The following ABCA13 variants were observed in gnomAD, a reference collection of about 807,000 sequenced individuals.
The protein encoded by ABCA13 is ATP-binding cassette sub-family A member 13.
A neutral mutation model predicts 478.7 loss-of-function variants in ABCA13; 476 were observed. The ratio of observed to expected loss-of-function variants is 0.99; its 90% CI spans 0.92 to 1.07. ABCA13 has a LOEUF of 1.07. Among genes scored for constraint, ABCA13 ranks in the 50% least tolerant of loss-of-function variants. The pLI is 0.00. For synonymous variants in ABCA13, 2,252 were observed against 2,158.9 expected (o/e 1.04, Z -1.20); for missense variants, 6,060 against 5,910.6 (o/e 1.03, Z -0.83).
chr7:48,278,527 C>T lies in ABCA13; in HGVS notation c.7333C>T (p.Leu2445Phe), dbSNP rs1411860854. The T allele has an allele frequency of 1.9e-6, 3 of 1,613,918 alleles. No individual in the cohort carries two copies. The highest frequency in any genetic ancestry group is 4.5e-5 in the East Asian group (2 of 44,862). ...NKDFYALYPT[L>F]QEVILANLTD... is the part of the protein sequence containing the mutation. ...GGACTTCTATGCTTTGTATCCTACC[C>T]TCCAAGAAGTTATACTTGCTAATCT... Residue 2445 changes from leucine to phenylalanine, a missense_variant, in exon 18 of 62, where the codon CTC becomes TTC. Coordinates refer to ENST00000435803, the MANE Select transcript of ABCA13 (RefSeq NM_152701.5).
chr7:48,468,016 TAC>T (rs1182714693), intron 44 of ABCA13, among the ~76,000 whole-genome samples: 2 of 152,138 alleles, frequency 1.3e-5, no homozygotes, highest in Admixed American at 6.5e-5. Context: ...TCTGATGGAA[TAC>T]ACAGGGTGTA....
At chr7:48,220,617 G>C (rs111390610) in intron 4 of ABCA13, among the ~76,000 whole-genome samples, 1 of 152,092 alleles carries the variant, frequency 6.6e-6, no homozygotes, top group East Asian at 1.9e-4. Context: ...GGCAGGGCTG[G>C]CCATGGCCTG....
In ABCA13 at chr7:48,645,609, C is replaced by T; in HGVS notation, c.*97C>T. The stretch of plus-strand genomic sequence containing the variant: ...CACGCGCACAATCAAGGAGCTGGAA[C>T]ACACTCTCCAGGCCGTCAAATTATT... On this transcript the variant is annotated 3_prime_UTR_variant, in exon 62 of 62. Coordinates refer to ENST00000435803, the MANE Select transcript of ABCA13 (RefSeq NM_152701.5). 1 of 966,458 alleles carries T rather than the reference C, an allele frequency of 1.0e-6. No homozygotes were observed. Among genetic ancestry groups the T allele is most frequent in the Non-Finnish European group, 1.6e-6 (1 of 638,902 alleles). The allele number at this position is 966,458 out of a possible 1,614,324, so 59.9% of individuals were successfully genotyped here. A position where few individuals can be genotyped will look rare whatever the true frequency, so the allele number is the denominator to read the frequency against.
intron 33 of ABCA13, 42 bp downstream of exon 33, chr7:48,372,539 A>C: frequency 7.1e-7 from 1 of 1,418,094 alleles, no homozygotes; most frequent in Non-Finnish European, 9.5e-7. Flanking sequence ...AAAAACAACA[A>C]AATTGCAATC....
intron 27 of ABCA13, among the ~76,000 whole-genome samples, chr7:48,326,247 C>T (rs530886971): frequency 2.0e-5 from 3 of 152,166 alleles, no homozygotes; most frequent in Non-Finnish European, 4.4e-5. Flanking sequence ...CTCCAGAGCC[C>T]TCTTCTGGCA....
intron 27 of ABCA13, among the ~76,000 whole-genome samples, chr7:48,321,848 C>T (rs1268009978): frequency 1.3e-5 from 2 of 152,168 alleles, no homozygotes; most frequent in African/African-American, 4.8e-5. Context: ...GCAGGCCAGG[C>T]CCTGGCAGCA....
intron 55 of ABCA13, among the ~76,000 whole-genome samples, chr7:48,562,424 T>C (rs892643472): frequency 1.3e-5 from 2 of 152,056 alleles, no homozygotes; most frequent in African/African-American, 4.8e-5. Context: ...TGAATCACCA[T>C]GGGCAAAAAC....
chr7:48,403,691 A>G lies in ABCA13; in HGVS notation c.11882A>G (p.Gln3961Arg). 1 of 1,613,880 alleles carries G rather than the reference A, an allele frequency of 6.2e-7. No homozygotes were observed. Among genetic ancestry groups the G allele is most frequent in the Non-Finnish European group, 8.5e-7 (1 of 1,179,806 alleles). Reference protein sequence around the residue: ...ELHQQVNQTLQDVDLTQHQHK... With the variant: ...ELHQQVNQTLRDVDLTQHQHK... ...TTTTCTTCTAATTTCAGAACTCTTC[A>G]GGATGTGGACTTAACTCAGCATCAG... The change falls in exon 39 of 62, where the codon CAG (glutamine) becomes CGG (arginine). Residue 3961 changes from glutamine to arginine, a missense_variant. Physicochemically the swap from Gln to Arg is conservative, Grantham distance 43. Around this residue, in one of 3 missense-constraint regions of ABCA13, gnomAD observed 1,627 missense variants for 1,571.0 expected, o/e 1.04. Coordinates refer to ENST00000435803, the MANE Select transcript of ABCA13 (RefSeq NM_152701.5).
chr7:48,358,613 G>A (rs1356491257), intron 31 of ABCA13, among the ~76,000 whole-genome samples: 2 of 151,956 alleles, frequency 1.3e-5, no homozygotes, highest in Non-Finnish European at 2.9e-5. Flanking sequence ...CATATTCACT[G>A]TATGACACAC....
At chr7:48,336,407 TAG>T (rs999777166) in intron 28 of ABCA13, among the ~76,000 whole-genome samples, 24 of 152,264 alleles carry the variant, frequency 1.6e-4, no homozygotes, top group African/African-American at 5.3e-4. Flanking sequence ...AAGAGGAAGC[TAG>T]ACAGGTTGGA....
intron 51 of ABCA13, among the ~76,000 whole-genome samples, chr7:48,513,809 AT>A (rs1261246701): frequency 6.6e-6 from 1 of 152,200 alleles, no homozygotes; most frequent in African/African-American, 2.4e-5. Context: ...TAATACGTTA[AT>A]TTGAGCCAAG....
At chr7:48,378,095 C>T (rs1813784446) in intron 35 of ABCA13, among the ~76,000 whole-genome samples, 1 of 152,116 alleles carries the variant, frequency 6.6e-6, no homozygotes, top group African/African-American at 2.4e-5. Context: ...CTGTGGAATT[C>T]TAAATTGAAA....
chr7:48,378,879 A>C (rs1275584141), intron 35 of ABCA13, among the ~76,000 whole-genome samples: 1 of 152,248 alleles, frequency 6.6e-6, no homozygotes, highest in Admixed American at 6.5e-5. Flanking sequence ...GATACACTGG[A>C]TCCTACACCC....
intron 8 of ABCA13, among the ~76,000 whole-genome samples, chr7:48,238,853 T>A (rs1007860432): frequency 6.6e-6 from 1 of 152,262 alleles, no homozygotes; most frequent in African/African-American, 2.4e-5. Context: ...AATTTGAATC[T>A]TTCCAATTTT....
chr7:48,466,268 G>A (rs1238429939), intron 43 of ABCA13, among the ~76,000 whole-genome samples: 1 of 152,180 alleles, frequency 6.6e-6, no homozygotes, highest in Non-Finnish European at 1.5e-5. Flanking sequence ...ACTCCCCACA[G>A]TGACATGAAT....
chr7:48,531,390 A>G (rs961350087), intron 55 of ABCA13, among the ~76,000 whole-genome samples: 12 of 152,096 alleles, frequency 7.9e-5, no homozygotes, highest in Admixed American at 5.2e-4. Context: ...TTTGGTGACT[A>G]TGGCCTTATA....
intron 31 of ABCA13, among the ~76,000 whole-genome samples, chr7:48,365,380 G>A (rs1811511938): frequency 5.9e-5 from 9 of 152,112 alleles, no homozygotes; most frequent in Admixed American, 2.0e-4. Context: ...TTTACACTTT[G>A]CTGATTGTTT....
At chr7:48,598,007 G>A (rs916895440) in intron 58 of ABCA13, among the ~76,000 whole-genome samples, 3 of 152,074 alleles carry the variant, frequency 2.0e-5, no homozygotes, top group African/African-American at 7.2e-5. Flanking sequence ...GACATTTTAT[G>A]GGTTTGGACA....
chr7:48,599,402 T>G (rs969070713), intron 58 of ABCA13, among the ~76,000 whole-genome samples: 2 of 152,100 alleles, frequency 1.3e-5, no homozygotes, highest in African/African-American at 4.8e-5. Flanking sequence ...ATATTTTAAT[T>G]GTTTTTTATC....
Sources: allele counts gnomAD v4.1 joint callset (sites outside exome capture counted in the v4.1 genomes callset), GRCh38; gene constraint gnomAD v4.1.1; regional missense constraint gnomAD v4.1.1; transcripts MANE v1.5; gene names NCBI Gene and HGNC (gene_info 2026-07-23, HGNC 2026-07-21).